Variants in SDK1 observed in about 807,000 individuals in gnomAD.
The protein encoded by SDK1 is sidekick cell adhesion molecule 1.
In SDK1, 157 loss-of-function variants were observed where a neutral mutation model predicts 245.5. The ratio of observed to expected loss-of-function variants is 0.64; its 90% CI spans 0.56 to 0.73. The LOEUF is 0.73. Ranked by LOEUF, SDK1 falls within the 30% of genes least tolerant of loss-of-function variation. SDK1 has a pLI of 0.00. For synonymous variants in SDK1, 1,647 were observed against 1,278.5 expected (o/e 1.29, Z -6.15); for missense variants, 3,583 against 3,002.3 (o/e 1.19, Z -4.52).
chr7:4,113,239 C>G, intron 23 of SDK1, 50 bp from the exon 24 acceptor site: 1 of 1,585,058 alleles, frequency 6.3e-7, no homozygotes, highest in Non-Finnish European at 8.6e-7. Flanking sequence ...TCGTTCTTTT[C>G]CTTCTTACCT....
intron 1 of SDK1, among the ~76,000 whole-genome samples, chr7:3,322,476 C>G (rs565190332): frequency 6.6e-6 from 1 of 152,088 alleles, no homozygotes; most frequent in Non-Finnish European, 1.5e-5. Flanking sequence ...GTTTTCTCTT[C>G]TTTTTGGTAT....
intron 44 of SDK1, among the ~76,000 whole-genome samples, chr7:4,246,800 C>A (rs1008544509): frequency 5.3e-5 from 8 of 152,276 alleles, no homozygotes; most frequent in African/African-American, 1.9e-4. Flanking sequence ...GACCCCAGGG[C>A]CTACCCGCCT....
chr7:3,504,395 A>G (rs1030019215), intron 1 of SDK1, among the ~76,000 whole-genome samples: 4 of 151,906 alleles, frequency 2.6e-5, no homozygotes, highest in African/African-American at 7.3e-5. Context: ...GAGGACTCAT[A>G]TTTTCCAATT....
intron 11 of SDK1, among the ~76,000 whole-genome samples, chr7:3,970,235 G>A: frequency 6.6e-6 from 1 of 152,106 alleles, no homozygotes; most frequent in Non-Finnish European, 1.5e-5. Context: ...GTAATTTGTT[G>A]AAACGTTATT....
chr7:3,640,904 A>G (rs1401790201), intron 3 of SDK1, among the ~76,000 whole-genome samples: 2 of 151,956 alleles, frequency 1.3e-5, no homozygotes, highest in African/African-American at 4.8e-5. Flanking sequence ...GGCTGGTGTC[A>G]AATTCCTGAC....
At chr7:3,596,856 C>G (rs568755495) in intron 1 of SDK1, among the ~76,000 whole-genome samples, 2 of 152,106 alleles carry the variant, frequency 1.3e-5, no homozygotes, top group Non-Finnish European at 2.9e-5. Flanking sequence ...AAGGAAAGCA[C>G]CATAAAAGAT....
intron 5 of SDK1, among the ~76,000 whole-genome samples, chr7:3,942,000 C>T (rs1266261955): frequency 6.6e-6 from 1 of 151,646 alleles, no homozygotes; most frequent in Non-Finnish European, 1.5e-5. Flanking sequence ...GCTCCGCCTC[C>T]CAGGTTCATG....
intron 4 of SDK1, among the ~76,000 whole-genome samples, chr7:3,807,453 T>C (rs566434269): frequency 2.0e-5 from 3 of 152,316 alleles, no homozygotes; most frequent in African/African-American, 7.2e-5. Flanking sequence ...TCAGAAAATC[T>C]ACCCCTGCAT....
intron 35 of SDK1, among the ~76,000 whole-genome samples, chr7:4,179,865 G>T (rs1293405063): frequency 6.6e-6 from 1 of 151,848 alleles, no homozygotes; most frequent in Non-Finnish European, 1.5e-5. Flanking sequence ...CTGGGGGTGG[G>T]TCAGCCTGTG....
At chr7:3,573,675 C>T (rs1163680173) in intron 1 of SDK1, among the ~76,000 whole-genome samples, 2 of 152,004 alleles carry the variant, frequency 1.3e-5, no homozygotes, top group African/African-American at 2.4e-5. Context: ...AGTCGGTACT[C>T]CTGATTAGCT....
At chr7:3,975,922 AGAAT>A (rs1562604612) in intron 13 of SDK1, among the ~76,000 whole-genome samples, 2 of 146,920 alleles carry the variant, frequency 1.4e-5, no homozygotes, top group African/African-American at 2.5e-5. Context: ...GGTCCTCCAG[AGAAT>A]CACTGAGGGT....
intron 16 of SDK1, among the ~76,000 whole-genome samples, chr7:4,014,720 C>T (rs1192474410): frequency 6.6e-6 from 1 of 152,142 alleles, no homozygotes; most frequent in Non-Finnish European, 1.5e-5. Context: ...TATAAACGTT[C>T]TCCTGTTTAT....
At chr7:3,801,403 C>G (rs1434593862) in intron 4 of SDK1, among the ~76,000 whole-genome samples, 1 of 152,178 alleles carries the variant, frequency 6.6e-6, no homozygotes, top group Non-Finnish European at 1.5e-5. Context: ...CTAGAGTCTA[C>G]TGAATGTTTA....
At chr7:3,395,931 T>C (rs1781885311) in intron 1 of SDK1, among the ~76,000 whole-genome samples, 1 of 151,828 alleles carries the variant, frequency 6.6e-6, no homozygotes, top group African/African-American at 2.4e-5. Context: ...TTTTCCTCTG[T>C]TGTTTTTCTG....
At chr7:3,998,369 T>G (rs1024241523) in intron 14 of SDK1, among the ~76,000 whole-genome samples, 1 of 152,276 alleles carries the variant, frequency 6.6e-6, no homozygotes, top group Non-Finnish European at 1.5e-5. Context: ...CTGACTTGAA[T>G]GAGCAGTTTT....
At chr7:3,738,976 T>A (rs1234717290) in intron 4 of SDK1, among the ~76,000 whole-genome samples, 7 of 150,816 alleles carry the variant, frequency 4.6e-5, no homozygotes, top group Middle Eastern at 3.2e-3. Flanking sequence ...TTTGTTTTTT[T>A]AAAATATTTC....
chr7:4,240,411 A>G (rs879463509), intron 42 of SDK1, among the ~76,000 whole-genome samples: 6 of 151,986 alleles, frequency 3.9e-5, no homozygotes, highest in Admixed American at 3.3e-4. Context: ...TGCACTCCTT[A>G]TCCTCCCATC....
chr7:3,874,776 A>G (rs975528298), intron 5 of SDK1, among the ~76,000 whole-genome samples: 1 of 152,154 alleles, frequency 6.6e-6, no homozygotes, highest in Non-Finnish European at 1.5e-5. Context: ...GACCACAGTA[A>G]GATTCTAGCA....
At chr7:3,941,284 C>G (rs1780358762) in intron 5 of SDK1, among the ~76,000 whole-genome samples, 1 of 152,130 alleles carries the variant, frequency 6.6e-6, no homozygotes, top group Non-Finnish European at 1.5e-5. Flanking sequence ...GTGTGGTAGG[C>G]TTTGGTTGTG....
Sources: allele counts gnomAD v4.1 joint callset (sites outside exome capture counted in the v4.1 genomes callset), GRCh38; gene constraint gnomAD v4.1.1; transcripts MANE v1.5; gene names NCBI Gene and HGNC (gene_info 2026-07-23, HGNC 2026-07-21).